Variants in KANSL3 observed in about 807,000 individuals in gnomAD.
KANSL3 encodes the protein NSL complex protein NSL3.
Under a neutral mutation model 89.2 loss-of-function variants are expected in KANSL3, and 16 were observed. That is an observed-to-expected ratio of 0.18 (90% confidence interval 0.12 to 0.27). The LOEUF is 0.27. Among genes scored for constraint, KANSL3 ranks in the 10% least tolerant of loss-of-function variants. The probability of loss-of-function intolerance (pLI) is 1.00; values close to 1 mark genes in which losing one functional copy is unlikely to be tolerated. For synonymous variants in KANSL3, 385 were observed against 419.7 expected (o/e 0.92, Z 1.01); for missense variants, 879 against 1,110.6 (o/e 0.79, Z 2.96).
intron 20 of KANSL3, among the ~76,000 whole-genome samples, chr2:96,595,979 TCAA>T (rs1012825544): frequency 1.3e-5 from 2 of 152,172 alleles, no homozygotes; most frequent in African/African-American, 2.4e-5. Context: ...TAATCTGTGC[TCAA>T]CAACAAAGGT....
chr2:96,623,087 T>C (rs539125717), intron 3 of KANSL3, among the ~76,000 whole-genome samples: 1 of 152,340 alleles, frequency 6.6e-6, no homozygotes, highest in Non-Finnish European at 1.5e-5. Context: ...CCAGGACTTT[T>C]GCTAGTTTTA....
downstream of KANSL3, among the ~76,000 whole-genome samples, chr2:96,589,456 G>C (rs1445269207): frequency 1.3e-5 from 2 of 151,948 alleles, no homozygotes; most frequent in African/African-American, 4.8e-5. Context: ...AGGGACAGAG[G>C]GACATTACAT....
chr2:96,601,039 C>A, intron 20 of KANSL3: 1 of 344,860 alleles, frequency 2.9e-6, no homozygotes, highest in African/African-American at 2.2e-5. Context: ...GTAATCCCAG[C>A]ACTTTCAGAG....
chr2:96,612,632 A>T, intron 7 of KANSL3, 69 bp from the exon 8 acceptor site: 1 of 1,371,546 alleles, frequency 7.3e-7, no homozygotes, highest in Non-Finnish European at 1.0e-6. Flanking sequence ...GTTTAACCTA[A>T]CCTAAACCCA....
chr2:96,635,083 C>T (rs1400948374), intron 2 of KANSL3, among the ~76,000 whole-genome samples: 1 of 152,144 alleles, frequency 6.6e-6, no homozygotes, highest in Non-Finnish European at 1.5e-5. Context: ...GATTTCTGGC[C>T]CATCTCAGTC....
Position 96,613,575 on chromosome 2 carries a change from C to T in KANSL3, c.708G>A (p.Lys236=). The T allele has an allele frequency of 6.2e-7, 1 of 1,613,314 alleles. No homozygotes were observed. The highest frequency in any genetic ancestry group is 8.5e-7 in the Non-Finnish European group (1 of 1,179,614). ...AGGCCTCAGCTCCTGCAGCCCCAGT[C>T]TTTGTGTTGGATGACACAAGCATCC... is the stretch of plus-strand genomic sequence containing the variant. ...IDRMLVSSNT[K]TGAAGAEALS... The change falls in exon 6 of 21, where the codon AAG becomes AAA. Residue 236 remains lysine (K), a synonymous_variant. Coordinates refer to ENST00000431828, the MANE Select transcript of KANSL3 (RefSeq NM_001115016.3).
At chr2:96,582,132 T>C in the KANSL3 span, among the ~76,000 whole-genome samples, 3 of 152,166 alleles carry the variant, frequency 2.0e-5, no homozygotes, top group East Asian at 5.8e-4. Flanking sequence ...GGCTCACATC[T>C]ATAATCCCGG....
intron 3 of KANSL3, among the ~76,000 whole-genome samples, chr2:96,630,819 T>C (rs931224506): frequency 1.3e-5 from 2 of 152,202 alleles, no homozygotes; most frequent in African/African-American, 2.4e-5. Flanking sequence ...CTCGTGAAAA[T>C]AGGCTTCAGT....
the KANSL3 span, among the ~76,000 whole-genome samples, chr2:96,584,966 G>A: frequency 6.6e-5 from 10 of 152,188 alleles, no homozygotes; most frequent in East Asian, 3.8e-4. Context: ...TTCTTGAAGC[G>A]AAGATTCATG....
At chr2:96,598,113 T>A (rs574157438) in intron 20 of KANSL3, 2 of 985,386 alleles carry the variant, frequency 2.0e-6, no homozygotes, top group East Asian at 1.1e-4. Flanking sequence ...CGTGGCAGGA[T>A]CTGTGTTCTA....
intron 2 of KANSL3, chr2:96,636,720 C>T (rs2074299955): frequency 2.2e-6 from 1 of 452,626 alleles, no homozygotes; most frequent in Admixed American, 4.0e-5. Flanking sequence ...GCACGTCTTG[C>T]TTTCCTAACT....
intron 18 of KANSL3, 60 bp downstream of exon 18, chr2:96,602,693 A>G (rs2105067547): frequency 7.1e-7 from 1 of 1,400,236 alleles, no homozygotes; most frequent in Non-Finnish European, 9.7e-7. Flanking sequence ...GCCAAAACCA[A>G]CTAAGCTGAG....
intron 17 of KANSL3, chr2:96,603,693 T>A (rs1038623322): frequency 6.6e-6 from 1 of 152,364 alleles, no homozygotes; most frequent in Non-Finnish European, 1.5e-5. Flanking sequence ...CAGAAAAATG[T>A]CTCATTTTGC....
chr2:96,631,604 T>C, intron 2 of KANSL3, 122 bp from the exon 3 acceptor site: 5 of 1,178,650 alleles, frequency 4.2e-6, no homozygotes, highest in Non-Finnish European at 6.1e-6. Context: ...AAGCACATTA[T>C]ATTCACAAGA....
chr2:96,582,145 C>T, the KANSL3 span, among the ~76,000 whole-genome samples: 3 of 152,112 alleles, frequency 2.0e-5, no homozygotes, highest in African/African-American at 4.8e-5. Context: ...AATCCCGGCA[C>T]TTGGGAGGCC....
chr2:96,628,053 T>A, intron 3 of KANSL3: 3 of 1,290,430 alleles, frequency 2.3e-6, no homozygotes, highest in Non-Finnish European at 3.0e-6. Context: ...TGTGGCAATG[T>A]CATAACAGAA....
In KANSL3 at chr2:96,615,878, GA is replaced by G. The variant is rs2069989986; in HGVS notation, c.664-2260del. ...ACACACAAATAATGGTGGGGGACAGGAATAGGGAAAGACCGATAACTGCCAT... is the reference window on the plus strand; with the variant it reads ...ACACACAAATAATGGTGGGGGACAGGATAGGGAAAGACCGATAACTGCCAT... On this transcript the variant is annotated intron_variant, in intron 5 of 20. Coordinates refer to ENST00000431828, the MANE Select transcript of KANSL3 (RefSeq NM_001115016.3). Among the ~76,000 whole-genome samples, 3 of 152,322 alleles carry G rather than the reference GA, an allele frequency of 2.0e-5. No individual in the cohort carries two copies. In the South Asian group the frequency reaches 6.2e-4, roughly 32 times the overall value.
the KANSL3 span, among the ~76,000 whole-genome samples, chr2:96,588,169 G>GA: frequency 6.4e-4 from 88 of 137,552 alleles, no homozygotes; most frequent in African/African-American, 1.3e-3. Flanking sequence ...ATCCTAAACA[G>GA]AAAAAAAAAA....
intron 14 of KANSL3, among the ~76,000 whole-genome samples, chr2:96,607,819 C>T (rs965781356): frequency 5.3e-5 from 8 of 152,194 alleles, no homozygotes; most frequent in South Asian, 4.1e-4. Context: ...CACCCCTATT[C>T]CTGAAAAGCT....
Sources: allele counts gnomAD v4.1 joint callset (sites outside exome capture counted in the v4.1 genomes callset), GRCh38; gene constraint gnomAD v4.1.1; transcripts MANE v1.5; gene names NCBI Gene and HGNC (gene_info 2026-07-23, HGNC 2026-07-21).